The following ATE1 variants were observed in gnomAD, a reference collection of about 807,000 sequenced individuals.
ATE1 encodes the protein arginyltransferase 1, also known as arginyl-tRNA--protein transferase 1.
Under a neutral mutation model 70.5 loss-of-function variants are expected in ATE1, and 36 were observed. The ratio of observed to expected loss-of-function variants is 0.51; its 90% CI spans 0.39 to 0.67. The LOEUF (loss-of-function observed/expected upper bound fraction) is 0.67, where lower values mean the gene tolerates loss of function less well. Ranked by LOEUF, ATE1 falls within the 30% of genes least tolerant of loss-of-function variation. ATE1 has a pLI of 0.00. For missense variants in ATE1, 593 were observed against 629.5 expected, an observed-to-expected ratio of 0.94 and a Z score of 0.62; for synonymous variants, 232 against 219.3, an observed-to-expected ratio of 1.06 and a Z score of -0.51.
chr10:121,917,698 A>T (rs145873010), intron 3 of ATE1, among the ~76,000 whole-genome samples: 76 of 152,316 alleles, frequency 5.0e-4, no homozygotes, highest in Middle Eastern at 3.4e-3. Context: ...AGACAGGGAG[A>T]TGAAAAACCA....
At chr10:121,845,391 T>G (rs1022998232) in intron 8 of ATE1, among the ~76,000 whole-genome samples, 3 of 152,206 alleles carry the variant, frequency 2.0e-5, no homozygotes, top group African/African-American at 7.2e-5. Context: ...GAATGAACTG[T>G]AATGCATACA....
intron 7 of ATE1, among the ~76,000 whole-genome samples, chr10:121,877,431 A>G (rs140603739): frequency 6.6e-6 from 1 of 152,308 alleles, no homozygotes; most frequent in African/African-American, 2.4e-5. Context: ...TTTCAAAATT[A>G]GATTCTTCCA....
At chr10:121,842,119 G>A (rs1948653322) in intron 8 of ATE1, among the ~76,000 whole-genome samples, 1 of 152,026 alleles carries the variant, frequency 6.6e-6, no homozygotes, top group Admixed American at 6.6e-5. Context: ...AAGTACAAAG[G>A]ACTATGATAC....
chr10:121,807,986 C>A (rs1451641782), intron 10 of ATE1, among the ~76,000 whole-genome samples: 1 of 152,060 alleles, frequency 6.6e-6, no homozygotes. Flanking sequence ...AGTTTGCCGA[C>A]TCTTACTGTA....
intron 10 of ATE1, among the ~76,000 whole-genome samples, chr10:121,833,495 T>C (rs760327643): frequency 7.9e-5 from 12 of 152,184 alleles, no homozygotes; most frequent in Non-Finnish European, 1.3e-4. Context: ...GCACAGGAGA[T>C]AGACTAGTTC....
intron 11 of ATE1, among the ~76,000 whole-genome samples, chr10:121,746,475 T>A (rs1944376582): frequency 6.6e-6 from 1 of 152,234 alleles, no homozygotes; most frequent in South Asian, 2.1e-4. Flanking sequence ...AAGGTTAATT[T>A]AAGCATTTTA....
intron 11 of ATE1, among the ~76,000 whole-genome samples, chr10:121,774,275 T>C (rs1045080910): frequency 3.9e-5 from 6 of 152,208 alleles, no homozygotes; most frequent in Non-Finnish European, 8.8e-5. Context: ...TAAATGATTA[T>C]GCAAATTTGG....
chr10:121,904,703 A>G (rs1170295002), intron 5 of ATE1, among the ~76,000 whole-genome samples: 2 of 21,858 alleles, frequency 9.1e-5, no homozygotes, highest in African/African-American at 7.7e-4. Flanking sequence ...CAAAGTCAGC[A>G]AAAAAAAAAA....
chr10:121,927,527 G>A (rs1184683863), intron 1 of ATE1: 1 of 985,198 alleles, frequency 1.0e-6, no homozygotes, highest in Non-Finnish European at 1.2e-6. Context: ...CATTAACTAC[G>A]GCTCTGGGGC....
intron 2 of ATE1, 46 bp from the exon 3 acceptor site, chr10:121,922,457 T>G: frequency 8.1e-7 from 1 of 1,238,830 alleles, no homozygotes; most frequent in Non-Finnish European, 1.2e-6. Context: ...TATTTTTCAC[T>G]TGCACCAAAA....
chr10:121,853,900 T>C (rs925878392), intron 8 of ATE1, among the ~76,000 whole-genome samples: 2 of 152,196 alleles, frequency 1.3e-5, no homozygotes, highest in Non-Finnish European at 2.9e-5. Flanking sequence ...CACATGATGG[T>C]AGGGGAAGGT....
At chr10:121,907,421 C>T (rs559575397) in intron 5 of ATE1, among the ~76,000 whole-genome samples, 26 of 151,616 alleles carry the variant, frequency 1.7e-4, no homozygotes, top group African/African-American at 5.3e-4. Flanking sequence ...GCTGAGATAG[C>T]GCCATTGCAC....
intron 1 of ATE1, among the ~76,000 whole-genome samples, chr10:121,926,311 G>T (rs557297328): frequency 4.1e-4 from 63 of 152,288 alleles, no homozygotes; most frequent in African/African-American, 1.5e-3. Flanking sequence ...GGAAAAGCAT[G>T]GCACTGGAGT....
chr10:121,821,748 G>A (rs1947807448), intron 10 of ATE1, among the ~76,000 whole-genome samples: 1 of 152,188 alleles, frequency 6.6e-6, no homozygotes, highest in South Asian at 2.1e-4. Context: ...GGGCGTGGTG[G>A]TGCATGCCTG....
chr10:121,780,214 T>C (rs550553937), intron 11 of ATE1, among the ~76,000 whole-genome samples: 80 of 152,326 alleles, frequency 5.3e-4, no homozygotes, highest in African/African-American at 1.9e-3. Flanking sequence ...ACTGAACTCA[T>C]CATTCTTCTC....
chr10:121,776,767 T>A (rs1418191189), intron 11 of ATE1, among the ~76,000 whole-genome samples: 2 of 152,214 alleles, frequency 1.3e-5, no homozygotes, highest in Non-Finnish European at 2.9e-5. Context: ...TACATGAAAG[T>A]GAGTATTATA....
intron 10 of ATE1, among the ~76,000 whole-genome samples, chr10:121,827,233 CA>C (rs1226018260): frequency 6.6e-6 from 1 of 152,042 alleles, no homozygotes; most frequent in African/African-American, 2.4e-5. Context: ...AGGATGGTCT[CA>C]ATCTCTTGAC....
chr10:121,828,970 T>C (rs1187682116), intron 10 of ATE1, among the ~76,000 whole-genome samples: 4 of 152,326 alleles, frequency 2.6e-5, no homozygotes, highest in South Asian at 2.1e-4. Flanking sequence ...CTAGTTTCAA[T>C]TGTCACATTA....
chr10:121,804,437 T>C (rs960054270), intron 10 of ATE1, among the ~76,000 whole-genome samples: 3 of 152,198 alleles, frequency 2.0e-5, no homozygotes, highest in African/African-American at 7.2e-5. Context: ...ATTATCAGTT[T>C]ACCACATCAG....
Sources: gnomAD v4.1 joint callset for allele counts (sites outside exome capture counted in the v4.1 genomes callset) on GRCh38, gnomAD v4.1.1 for gene constraint, MANE v1.5 for transcripts, NCBI Gene and HGNC (gene_info 2026-07-23, HGNC 2026-07-21) for gene names.